FSTL5: variants seen among roughly 807,000 people sequenced by gnomAD.
The protein encoded by FSTL5 is follistatin-related protein 5.
A neutral mutation model predicts 89.1 loss-of-function variants in FSTL5; 62 were observed. The ratio of observed to expected loss-of-function variants is 0.70; its 90% CI spans 0.57 to 0.86. FSTL5 has a LOEUF of 0.86. Ranked by LOEUF, FSTL5 falls within the 40% of genes least tolerant of loss-of-function variation. The pLI is 0.00. For missense variants in FSTL5, 1,057 were observed against 1,001.6 expected (o/e 1.06, Z -0.75); for synonymous variants, 383 against 346.2 (o/e 1.11, Z -1.18).
intron 14 of FSTL5, 138 bp downstream of exon 14, chr4:161,459,074 T>C: frequency 1.7e-6 from 1 of 586,832 alleles, no homozygotes; most frequent in East Asian, 2.9e-5. Flanking sequence ...TTTTGCCTTT[T>C]TCTGTGCCTA....
chr4:161,800,809 A>G (rs1729767908), intron 4 of FSTL5, among the ~76,000 whole-genome samples: 1 of 151,634 alleles, frequency 6.6e-6, no homozygotes, highest in African/African-American at 2.4e-5. Flanking sequence ...CAGGAAGTAT[A>G]AATATCTTTA....
At chr4:162,008,955 T>C (rs545956897) in intron 3 of FSTL5, among the ~76,000 whole-genome samples, 1 of 152,150 alleles carries the variant, frequency 6.6e-6, no homozygotes, top group South Asian at 2.1e-4. Flanking sequence ...TGTAGACAAA[T>C]TAAGTTGAAA....
chr4:161,841,451 T>TG, intron 4 of FSTL5, among the ~76,000 whole-genome samples: 1 of 152,242 alleles, frequency 6.6e-6, no homozygotes, highest in South Asian at 2.1e-4. Context: ...ATGTGCAAAA[T>TG]GTGCTTTAAG....
chr4:162,031,719 T>A (rs1248069815), intron 3 of FSTL5, among the ~76,000 whole-genome samples: 1 of 152,080 alleles, frequency 6.6e-6, no homozygotes, highest in East Asian at 1.9e-4. Flanking sequence ...GGGAGGATTA[T>A]GAGGTCAAGA....
intron 15 of FSTL5, among the ~76,000 whole-genome samples, chr4:161,449,175 G>T (rs746288212): frequency 9.2e-5 from 14 of 152,096 alleles, no homozygotes; most frequent in Non-Finnish European, 1.8e-4. Context: ...TGCTTATCAT[G>T]TAATCACTGA....
intron 4 of FSTL5, among the ~76,000 whole-genome samples, chr4:161,831,812 A>T (rs1021439650): frequency 6.6e-6 from 1 of 151,842 alleles, no homozygotes. Flanking sequence ...ATATATACAT[A>T]TATATGCCAT....
At chr4:161,453,600 A>G (rs1733246847) in intron 15 of FSTL5, among the ~76,000 whole-genome samples, 1 of 152,000 alleles carries the variant, frequency 6.6e-6, no homozygotes, top group Non-Finnish European at 1.5e-5. Flanking sequence ...AATAATAATT[A>G]CTATTATTAT....
At chr4:161,896,167 A>T (rs913150241) in intron 4 of FSTL5, among the ~76,000 whole-genome samples, 1 of 152,216 alleles carries the variant, frequency 6.6e-6, no homozygotes, top group African/African-American at 2.4e-5. Context: ...ACGACTGCCA[A>T]TAACTACATA....
At chr4:161,635,438 T>C (rs2126660639) in intron 7 of FSTL5, among the ~76,000 whole-genome samples, 1 of 152,076 alleles carries the variant, frequency 6.6e-6, no homozygotes, top group African/African-American at 2.4e-5. Context: ...AAAATGTCAA[T>C]TCACTGAAAA....
rs1730572335 is a variant in FSTL5 at position 161,385,194 on chromosome 4, T to C, written c.*553A>G. ...AGACAGGATTTGGTGCAAGAGATGT[T>C]TTTTAACAACAAGAGATTTATAGTT... On this transcript the variant is annotated 3_prime_UTR_variant, in exon 16 of 16. Coordinates refer to ENST00000306100, the MANE Select transcript of FSTL5 (RefSeq NM_020116.5). 1 of 153,176 alleles carries C rather than the reference T, an allele frequency of 6.5e-6. No individual in the cohort carries two copies. The highest frequency in any genetic ancestry group is 2.4e-5 in the African/African-American group (1 of 41,428). 9.5% of individuals were successfully genotyped at this position (153,176 alleles called of 1,614,324 possible).
chr4:161,895,178 C>A (rs1308426609), intron 4 of FSTL5, among the ~76,000 whole-genome samples: 1 of 152,204 alleles, frequency 6.6e-6, no homozygotes, highest in Admixed American at 6.5e-5. Flanking sequence ...TTTAAACTTA[C>A]TCTCGTGCCC....
chr4:162,021,593 T>G (rs1330335257), intron 3 of FSTL5, among the ~76,000 whole-genome samples: 1 of 152,082 alleles, frequency 6.6e-6, no homozygotes, highest in African/African-American at 2.4e-5. Context: ...AATAGAATAC[T>G]ACCCAGCCTT....
At chr4:161,917,634 T>A (rs1733877868) in intron 4 of FSTL5, among the ~76,000 whole-genome samples, 1 of 152,182 alleles carries the variant, frequency 6.6e-6, no homozygotes, top group Admixed American at 6.5e-5. Context: ...TAAGTCTCTG[T>A]ATTCATCAAG....
intron 10 of FSTL5, among the ~76,000 whole-genome samples, chr4:161,531,638 A>G (rs1731414557): frequency 6.6e-6 from 1 of 152,200 alleles, no homozygotes; most frequent in Admixed American, 6.5e-5. Flanking sequence ...TGAACTCTAG[A>G]AAAAGATTTT....
chr4:161,458,068 G>C (rs1733427662), intron 14 of FSTL5, among the ~76,000 whole-genome samples: 1 of 152,086 alleles, frequency 6.6e-6, no homozygotes, highest in Non-Finnish European at 1.5e-5. Context: ...TCACATGCAG[G>C]GGACACAAGG....
chr4:162,092,867 T>G (rs535470836), intron 2 of FSTL5, among the ~76,000 whole-genome samples: 1 of 145,036 alleles, frequency 6.9e-6, no homozygotes, highest in East Asian at 2.0e-4. Context: ...GAGAATCACT[T>G]GTACCGGGGA....
chr4:161,644,103 TA>T (rs796103469), intron 7 of FSTL5, among the ~76,000 whole-genome samples: 165 of 144,834 alleles, frequency 1.1e-3, no homozygotes, highest in Middle Eastern at 3.6e-3. Flanking sequence ...TGAGGAACTT[TA>T]AAAAAAAAAA....
chr4:162,091,735 A>G (rs1397488471), intron 2 of FSTL5, among the ~76,000 whole-genome samples: 1 of 152,098 alleles, frequency 6.6e-6, no homozygotes, highest in Non-Finnish European at 1.5e-5. Flanking sequence ...CTCTCTAATC[A>G]ATATTGTTGC....
At chr4:161,860,386 C>T in intron 4 of FSTL5, among the ~76,000 whole-genome samples, 1 of 152,208 alleles carries the variant, frequency 6.6e-6, no homozygotes, top group East Asian at 1.9e-4. Context: ...CTGGTAATAA[C>T]GTTATCATAT....
Sources: allele counts gnomAD v4.1 joint callset (sites outside exome capture counted in the v4.1 genomes callset), GRCh38; gene constraint gnomAD v4.1.1; transcripts MANE v1.5; gene names NCBI Gene and HGNC (gene_info 2026-07-23, HGNC 2026-07-21).